Variants in MINDY2 observed in about 807,000 individuals in gnomAD.
MINDY2 encodes ubiquitin carboxyl-terminal hydrolase MINDY-2.
Under a neutral mutation model 68.2 loss-of-function variants are expected in MINDY2, and 52 were observed. That is an observed-to-expected ratio of 0.76 (90% confidence interval 0.61 to 0.96). The LOEUF is 0.96. MINDY2 is among the 40% of genes least tolerant of loss of function. MINDY2 has a pLI of 0.00. For missense variants in MINDY2, 881 were observed against 773.4 expected (o/e 1.14, Z -1.65); for synonymous variants, 372 against 303.0 (o/e 1.23, Z -2.36).
At chr15:58,853,819 TAAAAA>T (rs10563818) in intron 8 of MINDY2, among the ~76,000 whole-genome samples, 3 of 102,192 alleles carry the variant, frequency 2.9e-5, no homozygotes, top group Non-Finnish European at 3.8e-5. Flanking sequence ...TCCATCTCAA[TAAAAA>T]AAAAAAAAAA....
chr15:58,843,306 C>T (rs955153051), intron 6 of MINDY2, among the ~76,000 whole-genome samples: 2 of 152,066 alleles, frequency 1.3e-5, no homozygotes, highest in Non-Finnish European at 1.5e-5. Context: ...TGTACCACTA[C>T]ACCTGGCTAA....
At chr15:58,779,382 C>T (rs4774311) in intron 1 of MINDY2, among the ~76,000 whole-genome samples, 31,362 of 152,118 alleles carry the variant, frequency 0.21, 3,773 homozygotes, top group East Asian at 0.52. Flanking sequence ...TGCTCTATTT[C>T]TCCCTACCTC....
At chr15:58,811,495 G>A (rs960879578) in intron 4 of MINDY2, among the ~76,000 whole-genome samples, 6 of 152,144 alleles carry the variant, frequency 3.9e-5, no homozygotes, top group Non-Finnish European at 8.8e-5. Flanking sequence ...CTTAGACCTA[G>A]CAACAGCAGA....
chr15:58,793,922 C>G (rs1397333966), intron 2 of MINDY2, among the ~76,000 whole-genome samples: 4 of 152,076 alleles, frequency 2.6e-5, no homozygotes, highest in South Asian at 2.1e-4. Context: ...TTGGGTGTTA[C>G]CTTTGAGGTT....
chr15:58,858,824 A>T lies in MINDY2; in HGVS notation c.*4214A>T, dbSNP rs1342864963. On this transcript the variant is annotated 3_prime_UTR_variant, in exon 9 of 9. Transcript: ENST00000559228. The stretch of plus-strand genomic sequence containing the variant: ...GCATTACAAATAGTCTACAGTTTGT[A>T]TTTTAAGGAATTGGACATGAAGAAT... 6.6e-6 allele frequency: 1 copy of T among 152,148 alleles called. No homozygotes were observed. Among genetic ancestry groups the T allele is most frequent in the Non-Finnish European group, 1.5e-5 (1 of 67,964 alleles). 9.4% of individuals were successfully genotyped at this position (152,148 alleles called of 1,614,324 possible).
chr15:58,838,891 T>C (rs781142353), intron 6 of MINDY2, among the ~76,000 whole-genome samples: 1 of 151,950 alleles, frequency 6.6e-6, no homozygotes, highest in Non-Finnish European at 1.5e-5. Context: ...TAATTTTTAT[T>C]ACGACTTTTC....
chr15:58,790,588 T>G (rs347116), intron 2 of MINDY2, among the ~76,000 whole-genome samples: 73,181 of 151,012 alleles, frequency 0.48, 20,067 homozygotes, highest in East Asian at 0.84. Flanking sequence ...TAGACCTTAG[T>G]GGGGGGTAAG....
intron 6 of MINDY2, among the ~76,000 whole-genome samples, chr15:58,843,343 G>T (rs2032369185): frequency 6.6e-6 from 1 of 152,012 alleles, no homozygotes; most frequent in African/African-American, 2.4e-5. Context: ...TAGAGACGGG[G>T]TTTCACCATA....
At chr15:58,848,364 G>A (rs865985212) in intron 7 of MINDY2, among the ~76,000 whole-genome samples, 8 of 152,168 alleles carry the variant, frequency 5.3e-5, no homozygotes, top group African/African-American at 1.9e-4. Flanking sequence ...TAAAGATGCA[G>A]CCTAGTAGGG....
chr15:58,791,857 TAAAAG>T (rs1346165407), intron 2 of MINDY2, among the ~76,000 whole-genome samples: 3 of 151,576 alleles, frequency 2.0e-5, no homozygotes, highest in African/African-American at 7.3e-5. Flanking sequence ...ATGTAGTAGA[TAAAAG>T]AAAAGGTCAG....
chr15:58,837,361 C>T (rs1338273220), intron 6 of MINDY2, among the ~76,000 whole-genome samples: 1 of 151,888 alleles, frequency 6.6e-6, no homozygotes, highest in Non-Finnish European at 1.5e-5. Context: ...TCGCTTGAGG[C>T]CCAGAGTTCA....
At position 58,771,328 on chromosome 15, in the gene MINDY2, G is replaced by A. The variant is rs887258185; in HGVS notation, c.-68G>A. On this transcript the variant is annotated 5_prime_UTR_variant, in exon 1 of 9. An upstream start codon of the reference 5' UTR is lost. Transcript: ENST00000559228. ...CTGTTGCTGCCAATACAGCTGTCAT[G>A]GCGTCCAAGGCGCTGGCTGCGGAGA... The A allele has an allele frequency of 6.5e-6, 10 of 1,542,528 alleles. No individual in the cohort carries two copies. The highest frequency in any genetic ancestry group is 7.8e-6 in the Non-Finnish European group (9 of 1,147,184).
intron 1 of MINDY2, among the ~76,000 whole-genome samples, chr15:58,783,631 A>G (rs561903): frequency 0.25 from 38,700 of 152,058 alleles, 5,430 homozygotes; most frequent in East Asian, 0.62. Flanking sequence ...TACTCTTTAG[A>G]TGATTAAGAA....
At position 58,854,726 on chromosome 15, in the gene MINDY2, G is replaced by T. The variant is rs1388934833; in HGVS notation, c.*116G>T. The T allele has an allele frequency of 1.2e-5, 15 of 1,245,074 alleles. No homozygotes were observed. Among genetic ancestry groups the T allele is most frequent in the Admixed American group, 2.4e-5 (1 of 42,414 alleles). The allele number at this position is 1,245,074 out of a possible 1,614,324, so 77.1% of individuals were successfully genotyped here. Reference sequence around the variant, plus strand: ...CCTGATTTCCTAATGGATTTTGTTCGTTTTTTCAGGGGAACGGTTGTTACT... The same window carrying T: ...CCTGATTTCCTAATGGATTTTGTTCTTTTTTTCAGGGGAACGGTTGTTACT... On this transcript the variant is annotated 3_prime_UTR_variant, in exon 9 of 9. Coordinates refer to ENST00000559228, the MANE Select transcript of MINDY2 (RefSeq NM_001040450.3).
chr15:58,841,452 C>T (rs1265600253), intron 6 of MINDY2, among the ~76,000 whole-genome samples: 1 of 149,978 alleles, frequency 6.7e-6, no homozygotes, highest in Non-Finnish European at 1.5e-5. Flanking sequence ...GTTGCCCTTC[C>T]TGGAGTGCAA....
chr15:58,778,307 T>C (rs1443417600), intron 1 of MINDY2, among the ~76,000 whole-genome samples: 7 of 152,140 alleles, frequency 4.6e-5, no homozygotes, highest in Non-Finnish European at 8.8e-5. Flanking sequence ...ACATCTCCTT[T>C]CCTTCTTAAC....
intron 6 of MINDY2, among the ~76,000 whole-genome samples, chr15:58,839,768 T>A (rs1378034370): frequency 2.0e-5 from 3 of 152,112 alleles, no homozygotes; most frequent in Non-Finnish European, 2.9e-5. Context: ...GTATTCTCTG[T>A]TTATTAACTT....
intron 6 of MINDY2, among the ~76,000 whole-genome samples, chr15:58,837,057 C>A (rs1318626983): frequency 6.6e-6 from 1 of 152,110 alleles, no homozygotes; most frequent in Non-Finnish European, 1.5e-5. Context: ...TTTTAAAATA[C>A]TAAATGAATG....
chr15:58,810,399 G>T lies in MINDY2; in HGVS notation c.1122+11G>T, dbSNP rs767469172. 1.3e-6 allele frequency: 2 copies of T among 1,542,816 alleles called. No homozygotes were observed. Among genetic ancestry groups the T allele is most frequent in the East Asian group, 2.4e-5 (1 of 42,334 alleles). On this transcript the variant is annotated intron_variant, in intron 4 of 8. Transcript: ENST00000559228. ...TTAGTAGACCCTCAGGTAAGTCGAA[G>T]AATTTAAATTATGTAAACACAAATA... is the stretch of plus-strand genomic sequence containing the variant.
Sources: gnomAD v4.1 joint callset for allele counts (sites outside exome capture counted in the v4.1 genomes callset) on GRCh38, gnomAD v4.1.1 for gene constraint, MANE v1.5 for transcripts, NCBI Gene and HGNC (gene_info 2026-07-23, HGNC 2026-07-21) for gene names.